The following PLCB1 variants were observed in gnomAD, a reference collection of about 807,000 sequenced individuals.
PLCB1 encodes 1-phosphatidylinositol 4,5-bisphosphate phosphodiesterase beta-1.
A neutral mutation model predicts 161.8 loss-of-function variants in PLCB1; 46 were observed. The observed-to-expected ratio is 0.28, with a 90% CI of 0.22 to 0.36. The LOEUF (loss-of-function observed/expected upper bound fraction) is 0.36. Ranked by LOEUF, PLCB1 falls within the 10% of genes least tolerant of loss-of-function variation. PLCB1 has a pLI of 1.00. For synonymous variants in PLCB1, 517 were observed against 503.7 expected, an observed-to-expected ratio of 1.03 and a Z score of -0.35; for missense variants, 1,016 against 1,472.5, an observed-to-expected ratio of 0.69 and a Z score of 5.07.
At chr20:8,833,735 T>C (rs1455623109) in intron 31 of PLCB1, among the ~76,000 whole-genome samples, 2 of 152,248 alleles carry the variant, frequency 1.3e-5, no homozygotes, top group Non-Finnish European at 2.9e-5. Flanking sequence ...ACATTTCTAT[T>C]GTTTTAAGCC....
At chr20:8,174,958 A>G (rs2051767637) in intron 2 of PLCB1, among the ~76,000 whole-genome samples, 1 of 152,134 alleles carries the variant, frequency 6.6e-6, no homozygotes, top group Non-Finnish European at 1.5e-5. Flanking sequence ...AGTCCCAGCT[A>G]CTCAGGAGGC....
chr20:8,153,140 T>C (rs1168609721), intron 2 of PLCB1, among the ~76,000 whole-genome samples: 3 of 152,156 alleles, frequency 2.0e-5, no homozygotes, highest in Non-Finnish European at 4.4e-5. Flanking sequence ...AGCGAGTCAT[T>C]TTTAGGTAGC....
intron 2 of PLCB1, among the ~76,000 whole-genome samples, chr20:8,167,014 G>A (rs1331581759): frequency 1.3e-5 from 2 of 152,186 alleles, no homozygotes; most frequent in Non-Finnish European, 2.9e-5. Flanking sequence ...CCTTGTCCGT[G>A]TTTAAGACCT....
intron 31 of PLCB1, among the ~76,000 whole-genome samples, chr20:8,817,553 A>C (rs1440597125): frequency 6.6e-6 from 1 of 152,204 alleles, no homozygotes; most frequent in African/African-American, 2.4e-5. Context: ...AAAATTTCAG[A>C]ATACCAAAAA....
At chr20:8,682,327 C>T (rs974526377) in intron 9 of PLCB1, among the ~76,000 whole-genome samples, 1 of 151,864 alleles carries the variant, frequency 6.6e-6, no homozygotes, top group Non-Finnish European at 1.5e-5. Flanking sequence ...ATAGGAAGAC[C>T]CCTGTCTCTA....
intron 2 of PLCB1, among the ~76,000 whole-genome samples, chr20:8,323,939 T>C (rs918020514): frequency 6.6e-6 from 1 of 152,176 alleles, no homozygotes; most frequent in Non-Finnish European, 1.5e-5. Context: ...TTATGCTCTA[T>C]TCAACTATCC....
At chr20:8,389,225 G>A (rs1987520018) in intron 3 of PLCB1, among the ~76,000 whole-genome samples, 1 of 152,192 alleles carries the variant, frequency 6.6e-6, no homozygotes, top group Non-Finnish European at 1.5e-5. Flanking sequence ...TGCATGTTTA[G>A]GCAATGCCTA....
chr20:8,523,502 A>C (rs866158170), intron 3 of PLCB1, among the ~76,000 whole-genome samples: 2,657 of 76,092 alleles, frequency 0.035, 91 homozygotes, highest in East Asian at 0.071. Context: ...CTCTCTATAT[A>C]TATATATATA....
At chr20:8,508,473 C>G (rs1016656517) in intron 3 of PLCB1, among the ~76,000 whole-genome samples, 7 of 152,192 alleles carry the variant, frequency 4.6e-5, no homozygotes, top group African/African-American at 1.4e-4. Flanking sequence ...GACTCAAGTT[C>G]CGGTTGTTCA....
intron 14 of PLCB1, among the ~76,000 whole-genome samples, chr20:8,721,283 T>C (rs1376236458): frequency 1.3e-5 from 2 of 152,214 alleles, no homozygotes; most frequent in African/African-American, 4.8e-5. Flanking sequence ...GTTACTTCAT[T>C]GTTGAACCAT....
chr20:8,608,457 C>T (rs542256267), intron 3 of PLCB1, among the ~76,000 whole-genome samples: 4 of 152,182 alleles, frequency 2.6e-5, no homozygotes, highest in Non-Finnish European at 4.4e-5. Context: ...AAGGGTATAC[C>T]CACAGGGCAA....
intron 2 of PLCB1, among the ~76,000 whole-genome samples, chr20:8,182,851 G>T (rs1338637276): frequency 6.6e-6 from 1 of 152,024 alleles, no homozygotes. Flanking sequence ...AAAGTGCTGG[G>T]ATTACAGGTG....
intron 7 of PLCB1, chr20:8,649,659 G>T: frequency 5.5e-6 from 3 of 542,452 alleles, no homozygotes; most frequent in Non-Finnish European, 9.9e-6. Flanking sequence ...GAGCTAGCAT[G>T]TTCTTCCCCC....
chr20:8,363,641 T>C (rs1319981095), intron 2 of PLCB1, among the ~76,000 whole-genome samples: 2 of 152,028 alleles, frequency 1.3e-5, no homozygotes, highest in Non-Finnish European at 2.9e-5. Flanking sequence ...CTTTGCCATA[T>C]TGTATTGGTT....
At chr20:8,493,171 C>G (rs1443239936) in intron 3 of PLCB1, among the ~76,000 whole-genome samples, 1 of 152,108 alleles carries the variant, frequency 6.6e-6, no homozygotes, top group Admixed American at 6.5e-5. Context: ...CCTATCCCTG[C>G]ACCATGATTT....
chr20:8,564,974 A>G (rs1986274533), intron 3 of PLCB1, among the ~76,000 whole-genome samples: 1 of 152,212 alleles, frequency 6.6e-6, no homozygotes, highest in African/African-American at 2.4e-5. Flanking sequence ...TGACCCAGCA[A>G]TCCCATTACT....
intron 3 of PLCB1, among the ~76,000 whole-genome samples, chr20:8,488,572 G>T (rs1274675079): frequency 6.6e-6 from 1 of 151,920 alleles, no homozygotes; most frequent in Non-Finnish European, 1.5e-5. Flanking sequence ...ATGACCTGAA[G>T]TGCTTAGAAT....
At chr20:8,531,574 C>A (rs1464335795) in intron 3 of PLCB1, among the ~76,000 whole-genome samples, 1 of 152,044 alleles carries the variant, frequency 6.6e-6, no homozygotes, top group Non-Finnish European at 1.5e-5. Flanking sequence ...AATCTATCCT[C>A]CAAGATATGT....
At chr20:8,547,774 G>A (rs1438981319) in intron 3 of PLCB1, among the ~76,000 whole-genome samples, 1 of 152,132 alleles carries the variant, frequency 6.6e-6, no homozygotes, top group Non-Finnish European at 1.5e-5. Flanking sequence ...TATATCAAGT[G>A]AGTCCTAGGT....
Sources: gnomAD v4.1 joint callset for allele counts (sites outside exome capture counted in the v4.1 genomes callset) on GRCh38, gnomAD v4.1.1 for gene constraint, MANE v1.5 for transcripts, NCBI Gene and HGNC (gene_info 2026-07-23, HGNC 2026-07-21) for gene names.